Variants in HDGF observed in about 807,000 individuals in gnomAD.
HDGF encodes hepatoma-derived growth factor.
Under a neutral mutation model 30.0 loss-of-function variants are expected in HDGF, and 5 were observed. The observed-to-expected ratio is 0.17, with a 90% CI of 0.09 to 0.35. The LOEUF (loss-of-function observed/expected upper bound fraction) is 0.35, where lower values mean the gene tolerates loss of function less well. Among genes scored for constraint, HDGF ranks in the 10% least tolerant of loss-of-function variants. The pLI is 1.00. For missense variants in HDGF, 214 were observed against 302.8 expected, an observed-to-expected ratio of 0.71 and a Z score of 2.18; for synonymous variants, 133 against 112.7, an observed-to-expected ratio of 1.18 and a Z score of -1.14.
intron 5 of HDGF, 70 bp from the exon 6 acceptor site, chr1:156,743,525 C>A (rs2102696392): frequency 6.3e-7 from 1 of 1,586,254 alleles, no homozygotes; most frequent in Non-Finnish European, 8.6e-7. Flanking sequence ...CCAGCCAGTG[C>A]CGGTCTCCTA....
chr1:156,744,411 G>A (rs755438484), intron 3 of HDGF, 63 bp from the exon 4 acceptor site: 2 of 1,595,840 alleles, frequency 1.3e-6, no homozygotes, highest in Non-Finnish European at 1.7e-6. Context: ...CCCCTCCCCA[G>A]ACCCTCCCTC....
rs1178281787 is a variant in HDGF, at chr1:156,744,321, C to G, written c.331G>C (p.Glu111Gln). 1 of 1,614,172 alleles carries G rather than the reference C, an allele frequency of 6.2e-7. No homozygotes were observed. The change falls in exon 4 of 6, where the codon GAG becomes CAG. Residue 111 changes from glutamate to glutamine, a missense_variant. Physicochemically the swap from Glu to Gln is conservative, Grantham distance 29 (BLOSUM62 2). Coordinates refer to ENST00000357325, the MANE Select transcript of HDGF (RefSeq NM_004494.3). ...GCAGCTTCGGGCTCTGGTTCAGGCT[C>G]TTCCACACAGCTCTTTTTCTGGGAG... ...QSSQKKSCVE[E>Q]PEPEPEAAEG...
upstream of HDGF, chr1:156,751,936 T>C (rs994168028): frequency 4.8e-5 from 54 of 1,126,000 alleles, no homozygotes; most frequent in Admixed American, 3.8e-4. The surrounding 1 kb of genome is among the most constrained non-coding windows in gnomAD (Gnocchi z 4.7). Flanking sequence ...CGAGCAGGCT[T>C]TGTGTGCCCG....
intron 1 of HDGF, among the ~76,000 whole-genome samples, chr1:156,765,577 C>T (rs970247722): frequency 7.2e-6 from 1 of 139,622 alleles, no homozygotes; most frequent in African/African-American, 2.6e-5. Context: ...CGGGTTCAAA[C>T]GATTCTCCTG....
chr1:156,755,258 A>G (rs189051125), upstream of HDGF, among the ~76,000 whole-genome samples: 17 of 152,310 alleles, frequency 1.1e-4, no homozygotes, highest in Admixed American at 2.0e-4. Flanking sequence ...ATCTGGCTCT[A>G]GGATCCTGAA....
upstream of HDGF, among the ~76,000 whole-genome samples, chr1:156,753,198 G>A (rs1376271046): frequency 6.6e-6 from 1 of 152,162 alleles, no homozygotes; most frequent in African/African-American, 2.4e-5. Context: ...CTTTATAACA[G>A]TGTGGCCTCT....
chr1:156,746,232 G>C (rs1183920702), intron 1 of HDGF, among the ~76,000 whole-genome samples: 1 of 152,212 alleles, frequency 6.6e-6, no homozygotes, highest in Non-Finnish European at 1.5e-5. Context: ...ACATCTATGT[G>C]CACTATCTGG....
intron 1 of HDGF, among the ~76,000 whole-genome samples, chr1:156,761,686 G>A (rs1000128667): frequency 9.2e-5 from 14 of 151,450 alleles, no homozygotes; most frequent in African/African-American, 2.7e-4. Context: ...GGTGGCTCAC[G>A]CCTGTAATCC....
chr1:156,765,475 T>TTC (rs1553251484), intron 1 of HDGF, among the ~76,000 whole-genome samples: 2 of 126,984 alleles, frequency 1.6e-5, no homozygotes, highest in Admixed American at 7.9e-5. Context: ...TTTCTTTCTT[T>TTC]TTTTTTTTTT....
intron 3 of HDGF, among the ~76,000 whole-genome samples, chr1:156,744,734 C>T (rs1233317419): frequency 3.3e-5 from 5 of 151,194 alleles, no homozygotes; most frequent in Non-Finnish European, 5.9e-5. Flanking sequence ...CCTATACTCA[C>T]ACTAGGCCCA....
intron 1 of HDGF, among the ~76,000 whole-genome samples, chr1:156,759,948 T>G (rs1225001011): frequency 3.9e-5 from 6 of 152,274 alleles, no homozygotes; most frequent in African/African-American, 1.4e-4. Flanking sequence ...TAAATAATAC[T>G]GGACACATTT....
chr1:156,745,061 C>T lies in HDGF; in HGVS notation c.250G>A (p.Glu84Lys), dbSNP rs769497614. The change falls in exon 3 of 6, where the codon GAG (glutamate) becomes AAG (lysine). Residue 84 changes from glutamate to lysine, a missense_variant. By Grantham distance (56) the Glu-to-Lys change is moderately conservative. Coordinates refer to ENST00000357325, the MANE Select transcript of HDGF (RefSeq NM_004494.3). ...GKPNKRKGFS[E>K]GLWEIENNPT... ...TTGTTCTCGATCTCCCACAGCCCCTCGCTGAACCCTTTCCTCTTGTTGGGC... is the reference window on the plus strand; with the variant it reads ...TTGTTCTCGATCTCCCACAGCCCCTTGCTGAACCCTTTCCTCTTGTTGGGC... 6.2e-6 allele frequency: 10 copies of T among 1,613,978 alleles called. No homozygotes were observed. Among genetic ancestry groups the T allele is most frequent in the African/African-American group, 5.3e-5 (4 of 74,910 alleles).
At chr1:156,765,016 T>C (rs1330170100) in intron 1 of HDGF, among the ~76,000 whole-genome samples, 13 of 152,090 alleles carry the variant, frequency 8.5e-5, no homozygotes. Flanking sequence ...TCTAAGGCAT[T>C]TCACTGTGTG....
exon 2 of HDGF, chr1:156,759,095 G>C (rs891377495): frequency 6.6e-6 from 1 of 152,196 alleles, no homozygotes. Flanking sequence ...CCTCAAAGGA[G>C]AGATCTTCAA....
At chr1:156,759,630 C>T (rs919068831) in intron 1 of HDGF, among the ~76,000 whole-genome samples, 3 of 152,204 alleles carry the variant, frequency 2.0e-5, no homozygotes, top group African/African-American at 4.8e-5. Context: ...TACAGGCGCA[C>T]GCCACCATGC....
chr1:156,751,450 G>A lies in HDGF; in HGVS notation c.-21C>T. 2.6e-6 allele frequency: 4 copies of A among 1,532,746 alleles called. No homozygotes were observed. The highest frequency in any genetic ancestry group is 1.2e-5 in the South Asian group (1 of 83,658). The allele number at this position is 1,532,746 out of a possible 1,614,324, so 94.9% of individuals were successfully genotyped here. A position where few individuals can be genotyped will look rare whatever the true frequency, so the allele number is the denominator to read the frequency against. ...GACATGGCGGGGCTCCGGGCGCCCC[G>A]GGCTCCGCGCCGGGCCGGGAAGCGC... On this transcript the variant is annotated 5_prime_UTR_variant, in exon 1 of 6. Transcript: ENST00000357325. This position sits in a 1 kb window ranked among gnomAD's most constrained non-coding sequence, Gnocchi z 4.7.
Position 156,745,016 on chromosome 1 carries a change from C to T in HDGF, c.295G>A (p.Gly99Ser), listed in dbSNP as rs779714352. 51 of 1,613,934 alleles carry T rather than the reference C, an allele frequency of 3.2e-5. No individual in the cohort carries two copies. The highest frequency in any genetic ancestry group is 3.9e-5 in the Non-Finnish European group (46 of 1,180,018). Reference sequence around the variant, plus strand: ...GGCAGGCGGTGGCTCACCTGATAGCCGGAAGCCTTGACAGTAGGGTTGTTC... The same window carrying T: ...GGCAGGCGGTGGCTCACCTGATAGCTGGAAGCCTTGACAGTAGGGTTGTTC... ...IENNPTVKAS[G>S]YQSSQKKSCV... Residue 99 changes from glycine to serine, a missense_variant, in exon 3 of 6, where the codon GGC becomes AGC. Physicochemically the swap from Gly to Ser is moderately conservative, Grantham distance 56. Around this residue, in one of 2 missense-constraint regions of HDGF, gnomAD observed 176 missense variants for 211.7 expected, o/e 0.83. Transcript: ENST00000357325.
At position 156,742,172 on chromosome 1, in the gene HDGF, C is replaced by T. The variant is rs1803707; in HGVS notation, c.*1277G>A. On this transcript the variant is annotated 3_prime_UTR_variant, in exon 6 of 6. Transcript: ENST00000357325. ...ATCTACGGTTCTCAGAGCTAAACTT[C>T]CAAAGCTACAGTCAGCAATTTTTCA... 1.3e-5 allele frequency: 2 copies of T among 152,674 alleles called. No homozygotes were observed. Among genetic ancestry groups the T allele is most frequent in the African/African-American group, 4.8e-5 (2 of 41,448 alleles). The allele number at this position is 152,674 out of a possible 1,614,324, so 9.5% of individuals were successfully genotyped here.
At position 156,744,143 on chromosome 1, in the gene HDGF, C is replaced by T; in HGVS notation, c.489+20G>A. On this transcript the variant is annotated intron_variant, in intron 4 of 5. Coordinates refer to ENST00000357325, the MANE Select transcript of HDGF (RefSeq NM_004494.3). The stretch of plus-strand genomic sequence containing the variant: ...GGGGAATGTTGAGGGGGGCCCAGGC[C>T]CTGGGCAGGCAGCAGTTACCTCCAG... 6.2e-7 allele frequency: 1 copy of T among 1,612,502 alleles called. No individual in the cohort carries two copies. Among genetic ancestry groups the T allele is most frequent in the Non-Finnish European group, 8.5e-7 (1 of 1,178,570 alleles).
Sources: allele counts gnomAD v4.1 joint callset (sites outside exome capture counted in the v4.1 genomes callset), GRCh38; gene constraint gnomAD v4.1.1; regional missense constraint gnomAD v4.1.1; non-coding constraint Gnocchi (gnomAD v3.1); transcripts MANE v1.5; gene names NCBI Gene and HGNC (gene_info 2026-07-23, HGNC 2026-07-21).